Variants in M1AP observed in about 807,000 individuals in gnomAD.
M1AP encodes the protein meiosis 1 arrest protein.
M1AP carries 39 observed loss-of-function variants against 51.2 expected under a neutral mutation model. The ratio of observed to expected loss-of-function variants is 0.76; its 90% CI spans 0.59 to 1.00. M1AP has a LOEUF of 1.00. Ranked by LOEUF, M1AP falls within the 50% of genes least tolerant of loss-of-function variation. The pLI is 0.00. For missense variants in M1AP, 545 were observed against 641.2 expected (o/e 0.85, Z 1.62); for synonymous variants, 251 against 249.2 (o/e 1.01, Z -0.07).
intron 2 of M1AP, among the ~76,000 whole-genome samples, chr2:74,630,315 G>A (rs1682627924): frequency 6.6e-6 from 1 of 152,128 alleles, no homozygotes; most frequent in Non-Finnish European, 1.5e-5. Flanking sequence ...TATCTTCAAT[G>A]CACCTTAAAA....
chr2:74,569,032 A>C (rs1678556714), intron 7 of M1AP, among the ~76,000 whole-genome samples: 1 of 152,228 alleles, frequency 6.6e-6, no homozygotes, highest in South Asian at 2.1e-4. Flanking sequence ...CTGAAAACCA[A>C]GAGAAAAAAG....
chr2:74,560,164 C>T lies in M1AP; in HGVS notation c.1409G>A (p.Arg470Gln), dbSNP rs753332334. The part of the protein sequence containing the change: ...QGRLHPHWES[R>Q]APRKHPCKTG... ...GGGGAGCGGTACCTTTCTCGGAGCT[C>T]GGCTCTCCCAGTGTGGGTGGAGCCG... The change falls in exon 9 of 11, where the codon CGA becomes CAA. Residue 470 changes from arginine (R) to glutamine (Q), a missense_variant. Arg to Gln is a conservative substitution (Grantham distance 43, BLOSUM62 1). Transcript: ENST00000421985. 29 of 1,613,680 alleles carry T rather than the reference C, an allele frequency of 1.8e-5. No homozygotes were observed. The Admixed American group carries it at 2.8e-4, about 16-fold the overall frequency.
chr2:74,636,304 G>A (rs760405396), intron 2 of M1AP, among the ~76,000 whole-genome samples: 24 of 151,912 alleles, frequency 1.6e-4, no homozygotes, highest in Non-Finnish European at 1.5e-4. Context: ...ATGTTTGCAT[G>A]ATATATCCCT....
chr2:74,562,566 T>C (rs116670856), intron 7 of M1AP, 143 bp from the exon 8 acceptor site: 15,460 of 746,548 alleles, frequency 0.021, 231 homozygotes, highest in Non-Finnish European at 0.026. Flanking sequence ...AGGGAGGGAC[T>C]TCCTGCATGA....
chr2:74,603,599 GAGA>G (rs888484193), intron 4 of M1AP, among the ~76,000 whole-genome samples: 13 of 152,174 alleles, frequency 8.5e-5, no homozygotes, highest in African/African-American at 2.9e-4. Flanking sequence ...GGAATTCAGA[GAGA>G]AGAAGAGGGA....
At chr2:74,567,148 T>C (rs1040489007) in intron 7 of M1AP, among the ~76,000 whole-genome samples, 1 of 152,198 alleles carries the variant, frequency 6.6e-6, no homozygotes, top group Non-Finnish European at 1.5e-5. Flanking sequence ...TATATATTTA[T>C]TTCCTACCAC....
At chr2:74,597,390 T>G (rs1373613487) in intron 4 of M1AP, among the ~76,000 whole-genome samples, 1 of 152,220 alleles carries the variant, frequency 6.6e-6, no homozygotes, top group Non-Finnish European at 1.5e-5. Flanking sequence ...ACAGCTGTGT[T>G]TTCTGGTCTA....
intron 2 of M1AP, 26 bp from the exon 3 acceptor site, chr2:74,615,175 A>C: frequency 1.2e-6 from 2 of 1,603,320 alleles, no homozygotes; most frequent in Non-Finnish European, 8.5e-7. Context: ...AATCAAAGAC[A>C]CAAGTCTTTA....
At chr2:74,598,900 G>C (rs1680511403) in intron 4 of M1AP, among the ~76,000 whole-genome samples, 2 of 151,874 alleles carry the variant, frequency 1.3e-5, no homozygotes, top group African/African-American at 4.8e-5. Context: ...AGGATTATAG[G>C]CATGAGCCAC....
chr2:74,558,877 G>A lies in M1AP; in HGVS notation c.1435-3C>T, dbSNP rs368011331. ...CGGTTGGTCTGCAACTGCCCAGTCTGCAAAGAGAGCAACCAGAGCCTTCTC... is the reference window on the plus strand; with the variant it reads ...CGGTTGGTCTGCAACTGCCCAGTCTACAAAGAGAGCAACCAGAGCCTTCTC... On this transcript the variant is annotated splice_polypyrimidine_tract_variant and splice_region_variant and intron_variant, in intron 10 of 10. Coordinates refer to ENST00000421985, the MANE Select transcript of M1AP (RefSeq NM_001321739.2). 320 of 1,580,740 alleles carry A rather than the reference G, an allele frequency of 2.0e-4. No homozygotes were observed. Among genetic ancestry groups the A allele is most frequent in the Middle Eastern group, 6.7e-4 (4 of 5,944 alleles).
intron 4 of M1AP, among the ~76,000 whole-genome samples, chr2:74,584,941 C>T (rs1302566530): frequency 6.6e-6 from 1 of 151,748 alleles, no homozygotes; most frequent in Non-Finnish European, 1.5e-5. Context: ...CTCCTGGGCT[C>T]AAGTGACTCT....
chr2:74,607,180 T>C lies in M1AP; in HGVS notation c.470A>G (p.Gln157Arg). 1 of 1,614,138 alleles carries C rather than the reference T, an allele frequency of 6.2e-7. No individual in the cohort carries two copies. Residue 157 changes from glutamine (Q) to arginine (R), a missense_variant, in exon 4 of 11, where the codon CAG becomes CGG. Transcript: ENST00000421985. ...TGTATCTTTCAACCCTTCCTCCAAC[T>C]GTTTGACCACCTCTTTTCCAGGCTG... ...TSQPGKEVVK[Q>R]LEEGLKDTDL...
chr2:74,559,033 C>A (rs1677714164), intron 10 of M1AP, among the ~76,000 whole-genome samples, 159 bp from the exon 11 acceptor site: 1 of 152,242 alleles, frequency 6.6e-6, no homozygotes, highest in Admixed American at 6.5e-5. Flanking sequence ...TTAAGCCCAG[C>A]CTCCACAGTG....
chr2:74,575,158 T>C (rs1485407271), intron 7 of M1AP: 1 of 299,510 alleles, frequency 3.3e-6, no homozygotes, highest in Non-Finnish European at 4.9e-6. Flanking sequence ...AAAATACAGG[T>C]ACGTACGGAA....
chr2:74,603,158 G>A (rs1160607361), intron 4 of M1AP, among the ~76,000 whole-genome samples: 1 of 152,218 alleles, frequency 6.6e-6, no homozygotes, highest in Non-Finnish European at 1.5e-5. Flanking sequence ...GACCAGGAAG[G>A]TGGAGGTGTT....
rs363705 is a variant in M1AP at position 74,639,947 on chromosome 2, A to G, written c.240+89T>C. On this transcript the variant is annotated intron_variant, in intron 2 of 10. Transcript: ENST00000421985. Reference sequence around the variant, plus strand: ...GTGGAGAAGTAGTGCGGTTATTGTTATAAGTATTAATAACTGTGATCTCTA... The same window carrying G: ...GTGGAGAAGTAGTGCGGTTATTGTTGTAAGTATTAATAACTGTGATCTCTA... 4.1e-4 allele frequency: 473 copies of G among 1,159,646 alleles called. 1 individual carries two copies. In the African/African-American group the frequency reaches 6.4e-3, roughly 16 times the overall value. 71.8% of individuals were successfully genotyped at this position (1,159,646 alleles called of 1,614,324 possible).
At chr2:74,604,666 G>A (rs1212683507) in intron 4 of M1AP, among the ~76,000 whole-genome samples, 6 of 152,172 alleles carry the variant, frequency 3.9e-5, no homozygotes, top group Admixed American at 1.3e-4. Flanking sequence ...CCGGGGGTTG[G>A]AGATCCCTGC....
chr2:74,566,926 C>CAAA, intron 7 of M1AP, among the ~76,000 whole-genome samples: 1 of 152,132 alleles, frequency 6.6e-6, no homozygotes, highest in East Asian at 1.9e-4. Flanking sequence ...GAGACTCTGA[C>CAAA]ATTTTAAGTA....
At chr2:74,642,908 G>T (rs1455978922) in intron 1 of M1AP, among the ~76,000 whole-genome samples, 1 of 152,006 alleles carries the variant, frequency 6.6e-6, no homozygotes, top group Non-Finnish European at 1.5e-5. Flanking sequence ...TATAGAGATG[G>T]GGTCTTGCTA....
Sources: gnomAD v4.1 joint callset for allele counts (sites outside exome capture counted in the v4.1 genomes callset) on GRCh38, gnomAD v4.1.1 for gene constraint, MANE v1.5 for transcripts, NCBI Gene and HGNC (gene_info 2026-07-23, HGNC 2026-07-21) for gene names.